MAP7: variants seen among roughly 807,000 people sequenced by gnomAD.
The protein encoded by MAP7 is microtubule associated protein 7.
Under a neutral mutation model 94.8 loss-of-function variants are expected in MAP7, and 52 were observed. That is an observed-to-expected ratio of 0.55 (90% confidence interval 0.44 to 0.69). The LOEUF (loss-of-function observed/expected upper bound fraction) is 0.69, where lower values mean the gene tolerates loss of function less well. MAP7 is among the 30% of genes least tolerant of loss of function. The pLI, the probability that MAP7 is intolerant of heterozygous loss-of-function variation, is 0.00. For missense variants in MAP7, 940 were observed against 964.6 expected (o/e 0.97, Z 0.34); for synonymous variants, 350 against 357.0 (o/e 0.98, Z 0.22).
At chr6:136,527,020 C>T (rs1314011185) in intron 1 of MAP7, among the ~76,000 whole-genome samples, 2 of 152,120 alleles carry the variant, frequency 1.3e-5, no homozygotes, top group East Asian at 3.9e-4. Context: ...GTTTCAAGGA[C>T]AGAACCTATA....
intron 6 of MAP7, among the ~76,000 whole-genome samples, chr6:136,381,999 T>C (rs1777929361): frequency 6.6e-6 from 1 of 151,612 alleles, no homozygotes; most frequent in South Asian, 2.1e-4. Context: ...GAGGATGCAG[T>C]GTGGCGGTCA....
At chr6:136,461,571 C>T (rs1475948936) in intron 1 of MAP7, among the ~76,000 whole-genome samples, 1 of 152,164 alleles carries the variant, frequency 6.6e-6, no homozygotes, top group Non-Finnish European at 1.5e-5. Flanking sequence ...ATTCAGGCCA[C>T]ATGAGTTTAT....
At chr6:136,472,423 G>A (rs1809339326) in intron 1 of MAP7, among the ~76,000 whole-genome samples, 1 of 152,000 alleles carries the variant, frequency 6.6e-6, no homozygotes, top group Non-Finnish European at 1.5e-5. Context: ...TCAGAATATG[G>A]GGCTAAAATA....
At chr6:136,376,976 G>T (rs1776344639) in intron 7 of MAP7, among the ~76,000 whole-genome samples, 1 of 152,168 alleles carries the variant, frequency 6.6e-6, no homozygotes, top group African/African-American at 2.4e-5. Context: ...TGTCCCCAAA[G>T]ATATTTGGGA....
chr6:136,362,420 C>G (rs1368478293), intron 11 of MAP7, 30 bp downstream of exon 11: 1 of 1,609,936 alleles, frequency 6.2e-7, no homozygotes, highest in Non-Finnish European at 8.5e-7. Context: ...ATCACTGACA[C>G]CATGGTGTGG....
intron 3 of MAP7, among the ~76,000 whole-genome samples, chr6:136,397,408 T>C (rs1782780003): frequency 2.0e-5 from 3 of 152,160 alleles, no homozygotes; most frequent in Non-Finnish European, 2.9e-5. Context: ...ATGGATAATG[T>C]TGAGGTTATG....
chr6:136,533,564 G>A (rs1047315715), intron 1 of MAP7, among the ~76,000 whole-genome samples: 2 of 152,154 alleles, frequency 1.3e-5, no homozygotes, highest in Admixed American at 1.3e-4. Flanking sequence ...GTTTTGTGTT[G>A]CTATAAATAC....
chr6:136,509,180 C>A (rs1310080144), intron 1 of MAP7, among the ~76,000 whole-genome samples: 1 of 152,170 alleles, frequency 6.6e-6, no homozygotes, highest in African/African-American at 2.4e-5. Flanking sequence ...ATGTCACTAG[C>A]CACATGACTG....
intron 10 of MAP7, among the ~76,000 whole-genome samples, 159 bp downstream of exon 10, chr6:136,365,576 A>T (rs1356256492): frequency 6.6e-6 from 1 of 152,222 alleles, no homozygotes; most frequent in Non-Finnish European, 1.5e-5. Context: ...AGCAATGCGA[A>T]GTTAAAATAT....
At chr6:136,523,936 T>C (rs997324142) in intron 1 of MAP7, among the ~76,000 whole-genome samples, 18 of 152,092 alleles carry the variant, frequency 1.2e-4, no homozygotes, top group African/African-American at 4.3e-4. Context: ...GGCAGAGGTA[T>C]TCAAGAAAAT....
intron 1 of MAP7, among the ~76,000 whole-genome samples, chr6:136,461,880 TTTATGC>T (rs1805334908): frequency 6.6e-6 from 1 of 152,180 alleles, no homozygotes; most frequent in South Asian, 2.1e-4. Flanking sequence ...AAAACTCCTA[TTTATGC>T]TAAGTAGTCA....
chr6:136,356,337 A>G (rs1254118427), intron 16 of MAP7, among the ~76,000 whole-genome samples: 1 of 150,520 alleles, frequency 6.6e-6, no homozygotes. Flanking sequence ...TAGTTTTGCT[A>G]TTTTTTTTTG....
intron 1 of MAP7, among the ~76,000 whole-genome samples, chr6:136,496,638 G>A (rs1019478428): frequency 2.0e-5 from 3 of 151,620 alleles, no homozygotes; most frequent in Non-Finnish European, 4.4e-5. Context: ...TGGCTCCTAG[G>A]CTGACCAAAG....
At chr6:136,547,099 A>T (rs1159297053) in intron 1 of MAP7, among the ~76,000 whole-genome samples, 2 of 152,204 alleles carry the variant, frequency 1.3e-5, no homozygotes, top group African/African-American at 4.8e-5. Flanking sequence ...TTAATTGCAG[A>T]TATTTAATGT....
intron 1 of MAP7, among the ~76,000 whole-genome samples, chr6:136,438,250 G>A (rs901898360): frequency 6.6e-6 from 1 of 152,240 alleles, no homozygotes; most frequent in African/African-American, 2.4e-5. Flanking sequence ...TGTGCTAGAA[G>A]CTTTACATAA....
At chr6:136,514,469 C>T (rs1362402057) in intron 1 of MAP7, among the ~76,000 whole-genome samples, 4 of 151,156 alleles carry the variant, frequency 2.6e-5, no homozygotes, top group Non-Finnish European at 5.9e-5. Flanking sequence ...ACCTGTAATC[C>T]CAGCTTCTTG....
intron 11 of MAP7, 34 bp downstream of exon 11, chr6:136,362,416 G>T: frequency 6.2e-7 from 1 of 1,607,302 alleles, no homozygotes; most frequent in South Asian, 1.1e-5. Context: ...AAGTATCACT[G>T]ACACCATGGT....
At chr6:136,487,875 A>G (rs1324421108) in intron 1 of MAP7, among the ~76,000 whole-genome samples, 2 of 152,224 alleles carry the variant, frequency 1.3e-5, no homozygotes, top group Non-Finnish European at 2.9e-5. Context: ...AAGTTGGACC[A>G]TTAACATGGA....
rs1365571432 is a variant in MAP7 at position 136,550,374 on chromosome 6, C to T, written c.35G>A (p.Arg12Lys). The change falls in exon 1 of 18, where the codon AGG becomes AAG. Residue 12 changes from arginine (R) to lysine (K), a missense_variant. Coordinates refer to ENST00000354570, the MANE Select transcript of MAP7 (RefSeq NM_003980.6). This position sits in a 1 kb window ranked among gnomAD's most constrained non-coding sequence, Gnocchi z 5.1. ...AELGAGGDGH[R>K]GGDGAVRSET... ...GCTTCGCACTGCGCCGTCGCCGCCC[C>T]TGTGGCCGTCGCCGCCAGCTCCTAG... 1.3e-6 allele frequency: 2 copies of T among 1,530,608 alleles called. No homozygotes were observed. The highest frequency in any genetic ancestry group is 1.7e-6 in the Non-Finnish European group (2 of 1,147,106). 94.8% of individuals were successfully genotyped at this position (1,530,608 alleles called of 1,614,324 possible). A position where few individuals can be genotyped will look rare whatever the true frequency, so the allele number is the denominator to read the frequency against.
Sources: gnomAD v4.1 joint callset for allele counts (sites outside exome capture counted in the v4.1 genomes callset) on GRCh38, gnomAD v4.1.1 for gene constraint, Gnocchi (gnomAD v3.1) non-coding constraint, MANE v1.5 for transcripts, NCBI Gene and HGNC (gene_info 2026-07-23, HGNC 2026-07-21) for gene names.